Variants in KIAA0825 observed in about 807,000 individuals in gnomAD.
KIAA0825 encodes uncharacterized protein KIAA0825.
KIAA0825 carries 119 observed loss-of-function variants against 147.6 expected under a neutral mutation model. The ratio of observed to expected loss-of-function variants is 0.81; its 90% CI spans 0.69 to 0.94. The LOEUF (loss-of-function observed/expected upper bound fraction) is 0.94. Among genes scored for constraint, KIAA0825 ranks in the 40% least tolerant of loss-of-function variants. KIAA0825 has a pLI of 0.00. For missense variants in KIAA0825, 1,381 were observed against 1,472.7 expected, an observed-to-expected ratio of 0.94 and a Z score of 1.02; for synonymous variants, 470 against 518.1, an observed-to-expected ratio of 0.91 and a Z score of 1.26.
chr5:94,553,672 A>C (rs1049958971), intron 2 of KIAA0825, among the ~76,000 whole-genome samples: 8 of 151,604 alleles, frequency 5.3e-5, no homozygotes, highest in Non-Finnish European at 1.2e-4. Context: ...AGGCTGAGGC[A>C]GGAGAATTGC....
At chr5:94,522,089 CATA>C (rs1188917555) in intron 4 of KIAA0825, among the ~76,000 whole-genome samples, 1 of 151,674 alleles carries the variant, frequency 6.6e-6, no homozygotes, top group African/African-American at 2.4e-5. Context: ...CTGGTTTATT[CATA>C]ATGATAACTC....
rs546150854 is a variant in KIAA0825 at position 94,309,945 on chromosome 5, T to C, written c.3710+74423A>G. 2.6e-5 allele frequency among the ~76,000 whole-genome samples: 4 copies of C among 151,836 alleles called. No individual in the cohort carries two copies. In the South Asian group the frequency reaches 6.2e-4, roughly 24 times the overall value. ...CTGTTCCCTTGATCTTGTTATCTCA[T>C]ATAAATCTGTTAAAAGCATCTTCCC... On this transcript the variant is annotated intron_variant, in intron 20 of 20. Transcript: ENST00000682413.
chr5:94,372,776 T>C (rs1746916724), intron 20 of KIAA0825, among the ~76,000 whole-genome samples: 1 of 152,236 alleles, frequency 6.6e-6, no homozygotes, highest in African/African-American at 2.4e-5. Flanking sequence ...TTATGCAAAT[T>C]TCTGCAGTGG....
chr5:94,566,751 ACTCT>A (rs902378336), intron 2 of KIAA0825, among the ~76,000 whole-genome samples: 12 of 152,050 alleles, frequency 7.9e-5, no homozygotes, highest in African/African-American at 2.9e-4. Context: ...TTGAGAAAAT[ACTCT>A]CTCTCAGGTG....
chr5:94,585,818 A>G (rs1299687666), intron 1 of KIAA0825, among the ~76,000 whole-genome samples: 1 of 152,208 alleles, frequency 6.6e-6, no homozygotes, highest in Non-Finnish European at 1.5e-5. Flanking sequence ...AATGTAAAAG[A>G]ACAGAAATCA....
At chr5:94,271,224 A>G (rs1323924634) in intron 20 of KIAA0825, among the ~76,000 whole-genome samples, 2 of 152,164 alleles carry the variant, frequency 1.3e-5, no homozygotes, top group African/African-American at 4.8e-5. Context: ...TTCTTGAGTA[A>G]TACCCTATAA....
At chr5:94,278,702 T>A (rs1007490528) in intron 20 of KIAA0825, among the ~76,000 whole-genome samples, 10 of 152,142 alleles carry the variant, frequency 6.6e-5, no homozygotes, top group Non-Finnish European at 1.5e-4. Context: ...ATAACTTCTA[T>A]CCTGAATGAT....
chr5:94,583,961 A>C (rs962882737), intron 1 of KIAA0825, among the ~76,000 whole-genome samples: 6 of 152,212 alleles, frequency 3.9e-5, no homozygotes, highest in African/African-American at 1.4e-4. Context: ...TGTTAGAAGG[A>C]AAACTAACAA....
chr5:94,519,038 A>G (rs1195033652), intron 5 of KIAA0825, among the ~76,000 whole-genome samples: 5 of 152,142 alleles, frequency 3.3e-5, no homozygotes, highest in African/African-American at 9.6e-5. Context: ...CAATTAAAAT[A>G]AAAGTCTATT....
intron 20 of KIAA0825, among the ~76,000 whole-genome samples, chr5:94,165,193 T>C (rs1767921060): frequency 6.6e-6 from 1 of 152,118 alleles, no homozygotes; most frequent in Non-Finnish European, 1.5e-5. Context: ...GATCAAAAGA[T>C]GGAAAAGATT....
chr5:94,168,071 G>T lies in KIAA0825; in HGVS notation c.3711-13947C>A, dbSNP rs200363436. ...GAAATACATAGAAATAAATATAATA[G>T]ATATAAACATACATAAATGTATATT... On this transcript the variant is annotated intron_variant, in intron 20 of 20. Coordinates refer to ENST00000682413, the MANE Select transcript of KIAA0825 (RefSeq NM_001145678.3). Among the ~76,000 whole-genome samples, 13 of 149,228 alleles carry T rather than the reference G, an allele frequency of 8.7e-5. No individual in the cohort carries two copies. In the East Asian group the frequency reaches 2.5e-3, roughly 29 times the overall value.
intron 20 of KIAA0825, among the ~76,000 whole-genome samples, chr5:94,381,203 C>T (rs971606806): frequency 3.3e-5 from 5 of 152,112 alleles, no homozygotes; most frequent in Admixed American, 1.3e-4. Context: ...TCTGAGTGTT[C>T]GATCTTACAG....
At chr5:94,233,924 T>G (rs1369871139) in intron 20 of KIAA0825, among the ~76,000 whole-genome samples, 1 of 152,218 alleles carries the variant, frequency 6.6e-6, no homozygotes, top group African/African-American at 2.4e-5. Flanking sequence ...GCATTTTTGT[T>G]TTTATCTAAT....
In KIAA0825 at chr5:94,405,603, C is replaced by T. The variant is rs116228298; in HGVS notation, c.2663-1810G>A. ...CTTTAGAAAATTAGTTTCTTTGATGCTTCATAACTTTAGCTGTTAGAAATG... is the reference window on the plus strand; with the variant it reads ...CTTTAGAAAATTAGTTTCTTTGATGTTTCATAACTTTAGCTGTTAGAAATG... On this transcript the variant is annotated intron_variant, in intron 15 of 20. Transcript: ENST00000682413. Among the ~76,000 whole-genome samples the T allele has an allele frequency of 2.2e-3, 339 of 152,292 alleles. 4 individuals carry two copies. Among genetic ancestry groups the T allele is most frequent in the African/African-American group, 7.7e-3 (321 of 41,558 alleles).
chr5:94,403,350 A>C (rs1751639724), intron 16 of KIAA0825, among the ~76,000 whole-genome samples: 1 of 152,190 alleles, frequency 6.6e-6, no homozygotes, highest in East Asian at 1.9e-4. Context: ...TGAACTGGTA[A>C]TTAAATAAAG....
At chr5:94,546,592 G>C (rs1489807856) in intron 2 of KIAA0825, among the ~76,000 whole-genome samples, 4 of 151,844 alleles carry the variant, frequency 2.6e-5, no homozygotes, top group Non-Finnish European at 5.9e-5. Flanking sequence ...GTCTCTGTTT[G>C]ATAATCTAGT....
chr5:94,436,391 C>G (rs1191882836), intron 14 of KIAA0825, among the ~76,000 whole-genome samples: 1 of 152,094 alleles, frequency 6.6e-6, no homozygotes, highest in Non-Finnish European at 1.5e-5. Flanking sequence ...AATCCTTTCT[C>G]CATTGCTTTT....
chr5:94,520,735 C>T lies in KIAA0825; in HGVS notation c.483G>A (p.Trp161Ter), dbSNP rs751963006. The T allele has an allele frequency of 6.2e-7, 1 of 1,613,284 alleles. No individual in the cohort carries two copies. Among genetic ancestry groups the T allele is most frequent in the Non-Finnish European group, 8.5e-7 (1 of 1,179,440 alleles). ...DNSSMDVKSM[W>*]DDIRLHLRRF... ...GTCGAAGATGCAGTCTTATATCATC[C>T]CACATAGACTTGACATCCATAGAGG... Residue 161 changes from tryptophan (W) to a stop codon, truncating the protein, a stop_gained, in exon 5 of 21, where the codon TGG becomes TGA. Transcript: ENST00000682413. LOFTEE classifies it high-confidence loss of function.
At chr5:94,344,245 A>T (rs1584190772) in intron 20 of KIAA0825, among the ~76,000 whole-genome samples, 3 of 152,260 alleles carry the variant, frequency 2.0e-5, no homozygotes, top group African/African-American at 7.2e-5. Flanking sequence ...GTTGTCATAC[A>T]TGGAATACTA....
Sources: gnomAD v4.1 joint callset for allele counts (sites outside exome capture counted in the v4.1 genomes callset) on GRCh38, gnomAD v4.1.1 for gene constraint, MANE v1.5 for transcripts, NCBI Gene and HGNC (gene_info 2026-07-23, HGNC 2026-07-21) for gene names.